Variants in UBXN2B observed in about 807,000 individuals in gnomAD.
UBXN2B encodes UBX domain protein 2B.
A neutral mutation model predicts 37.5 loss-of-function variants in UBXN2B; 19 were observed. That is an observed-to-expected ratio of 0.51 (90% CI 0.35 to 0.74). The LOEUF (loss-of-function observed/expected upper bound fraction) is 0.74. UBXN2B is among the 30% of genes least tolerant of loss of function. The pLI is 0.01. For synonymous variants in UBXN2B, 145 were observed against 143.8 expected, an observed-to-expected ratio of 1.01 and a Z score of -0.06; for missense variants, 370 against 393.2, an observed-to-expected ratio of 0.94 and a Z score of 0.50.
chr8:58,416,875 ATGAAG>A lies in UBXN2B; in HGVS notation c.118_122del (p.Lys40GlnfsTer6). The A allele has an allele frequency of 4.3e-6, 7 of 1,612,720 alleles. No individual in the cohort carries two copies. The highest frequency in any genetic ancestry group is 5.9e-6 in the Non-Finnish European group (7 of 1,179,020). On this transcript the variant is annotated frameshift_variant, in exon 2 of 8. Coordinates refer to ENST00000399598, the MANE Select transcript of UBXN2B (RefSeq NM_001077619.2). LOFTEE classifies it high-confidence loss of function. ...TTGGCCTTGGCAGAATTGTATGAAG[ATGAAG>A]TGAAGTGCAAATCTTCCAAGTCTAA...
chr8:58,443,614 G>A (rs1243437209), intron 6 of UBXN2B, among the ~76,000 whole-genome samples: 3 of 126,210 alleles, frequency 2.4e-5, no homozygotes, highest in Non-Finnish European at 4.9e-5. Flanking sequence ...CCAACATGGC[G>A]AAACCCCATC....
At chr8:58,413,185 T>C (rs1006904904) in intron 1 of UBXN2B, 1 of 152,196 alleles carries the variant, frequency 6.6e-6, no homozygotes, top group African/African-American at 2.4e-5. Context: ...ATTTTTTTTT[T>C]CATCTCCTGT....
At chr8:58,421,403 A>G (rs1261915599) in intron 2 of UBXN2B, among the ~76,000 whole-genome samples, 1 of 151,822 alleles carries the variant, frequency 6.6e-6, no homozygotes, top group African/African-American at 2.4e-5. Context: ...AAAACCCAAT[A>G]CCATGTGCCA....
chr8:58,442,314 A>G (rs1168602366), intron 6 of UBXN2B, among the ~76,000 whole-genome samples: 1 of 152,236 alleles, frequency 6.6e-6, no homozygotes, highest in African/African-American at 2.4e-5. Context: ...TTCTAAAGTG[A>G]AGAATTACAT....
chr8:58,449,325 G>A lies in UBXN2B; in HGVS notation c.*1774G>A, dbSNP rs368325148. 2.7e-5 allele frequency: 4 copies of A among 145,834 alleles called. No homozygotes were observed. Among genetic ancestry groups the A allele is most frequent in the Non-Finnish European group, 4.5e-5 (3 of 67,230 alleles). 9.0% of individuals were successfully genotyped at this position (145,834 alleles called of 1,614,324 possible). On this transcript the variant is annotated 3_prime_UTR_variant, in exon 8 of 8. Coordinates refer to ENST00000399598, the MANE Select transcript of UBXN2B (RefSeq NM_001077619.2). ...CCCACCCACCCCCCGCTCCACTCCT[G>A]TGTTAAAGATTCAGATTCATCACAA... is the stretch of plus-strand genomic sequence containing the variant.
chr8:58,439,953 T>C (rs1308878362), intron 6 of UBXN2B, among the ~76,000 whole-genome samples, 183 bp downstream of exon 6: 2 of 148,942 alleles, frequency 1.3e-5, no homozygotes, highest in Non-Finnish European at 3.0e-5. Flanking sequence ...ATAATATTAA[T>C]TGTGATATTA....
chr8:58,441,054 G>A (rs1443709309), intron 6 of UBXN2B, among the ~76,000 whole-genome samples: 2 of 150,822 alleles, frequency 1.3e-5, no homozygotes, highest in African/African-American at 4.9e-5. Context: ...GTACAGTGGT[G>A]TAGTCATAGT....
At chr8:58,430,726 T>C in intron 3 of UBXN2B, 57 bp downstream of exon 3, 3 of 1,262,602 alleles carry the variant, frequency 2.4e-6, no homozygotes, top group Non-Finnish European at 1.0e-6. Flanking sequence ...TCCTCTTTCA[T>C]TTTTCTATTA....
At chr8:58,423,320 C>T (rs965412387) in intron 2 of UBXN2B, among the ~76,000 whole-genome samples, 1 of 152,158 alleles carries the variant, frequency 6.6e-6, no homozygotes, top group Non-Finnish European at 1.5e-5. Flanking sequence ...CCCAGACATC[C>T]CAGTCTCTCC....
intron 2 of UBXN2B, 21 bp from the exon 3 acceptor site, chr8:58,430,498 C>T: frequency 6.8e-7 from 1 of 1,481,334 alleles, no homozygotes; most frequent in Non-Finnish European, 9.0e-7. Flanking sequence ...AGTTTTTATT[C>T]ATGAACTAAA....
rs909244133 is a variant in UBXN2B, at chr8:58,447,924, C to G, written c.*373C>G. The G allele has an allele frequency of 1.3e-4, 20 of 158,350 alleles. No homozygotes were observed. Among genetic ancestry groups the G allele is most frequent in the African/African-American group, 4.8e-4 (20 of 41,690 alleles). The allele number at this position is 158,350 out of a possible 1,614,324, so 9.8% of individuals were successfully genotyped here. A position where few individuals can be genotyped will look rare whatever the true frequency, so the allele number is the denominator to read the frequency against. On this transcript the variant is annotated 3_prime_UTR_variant, in exon 8 of 8. Coordinates refer to ENST00000399598, the MANE Select transcript of UBXN2B (RefSeq NM_001077619.2). ...CTAAAGTTTCTTGATGCAGCATTGA[C>G]CAACAGCCATTAAGAAATCTTTTGA...
intron 2 of UBXN2B, among the ~76,000 whole-genome samples, chr8:58,429,995 G>A (rs1446462803): frequency 2.0e-5 from 3 of 152,114 alleles, no homozygotes; most frequent in Non-Finnish European, 2.9e-5. Flanking sequence ...TTTAACAAAC[G>A]CAGGGGCTTT....
At chr8:58,437,389 G>A (rs1391967620) in intron 5 of UBXN2B, among the ~76,000 whole-genome samples, 14 of 142,180 alleles carry the variant, frequency 9.8e-5, no homozygotes, top group East Asian at 4.2e-4. Context: ...GTGCAGTGGC[G>A]CGATCTAGGC....
chr8:58,420,963 T>G (rs1042991129), intron 2 of UBXN2B, among the ~76,000 whole-genome samples: 1 of 152,160 alleles, frequency 6.6e-6, no homozygotes, highest in African/African-American at 2.4e-5. Flanking sequence ...AAAACTTGAT[T>G]CCCCCAACAA....
intron 2 of UBXN2B, among the ~76,000 whole-genome samples, chr8:58,430,223 G>A (rs1474127849): frequency 6.6e-6 from 1 of 152,180 alleles, no homozygotes; most frequent in African/African-American, 2.4e-5. Flanking sequence ...TAGTGAATGA[G>A]ATGTATGTGA....
At position 58,447,451 on chromosome 8, in the gene UBXN2B, T is replaced by C. The variant is rs753778325; in HGVS notation, c.896T>C (p.Ile299Thr). 2 of 1,613,348 alleles carry C rather than the reference T, an allele frequency of 1.2e-6. No individual in the cohort carries two copies. The highest frequency in any genetic ancestry group is 1.7e-6 in the Non-Finnish European group (2 of 1,179,534). ...CCTGAATTTGCGGCTCTTGACTTTA[T>C]TCTTGTGACTTCATTTCCGAATAAA... Reference protein sequence around the residue: ...SRPEFAALDFILVTSFPNKEL... With the variant: ...SRPEFAALDFTLVTSFPNKEL... Residue 299 changes from isoleucine (I) to threonine (T), a missense_variant, in exon 8 of 8, where the codon ATT (isoleucine) becomes ACT (threonine). By Grantham distance (89) the Ile-to-Thr change is moderately conservative. This residue lies in a region of UBXN2B where 83 missense variants were observed against 83.5 expected (regional missense o/e 0.99). Coordinates refer to ENST00000399598, the MANE Select transcript of UBXN2B (RefSeq NM_001077619.2).
At chr8:58,422,516 A>G (rs557551873) in intron 2 of UBXN2B, among the ~76,000 whole-genome samples, 3 of 152,272 alleles carry the variant, frequency 2.0e-5, no homozygotes, top group Non-Finnish European at 4.4e-5. Flanking sequence ...GCGAAGAGGG[A>G]TGTCTTTGGA....
At chr8:58,418,639 C>T (rs1807846535) in intron 2 of UBXN2B, among the ~76,000 whole-genome samples, 1 of 152,138 alleles carries the variant, frequency 6.6e-6, no homozygotes, top group Non-Finnish European at 1.5e-5. Context: ...GATTTTCCAC[C>T]ATTAGTGATA....
In UBXN2B at chr8:58,450,884, A is replaced by T. The variant is rs1319023624; in HGVS notation, c.*3333A>T. ...ACAGGATGAAAGTGGTGAGCCCACCACTGCAGAGAAGTTTTCTCAGTGCCG... is the reference window on the plus strand; with the variant it reads ...ACAGGATGAAAGTGGTGAGCCCACCTCTGCAGAGAAGTTTTCTCAGTGCCG... On this transcript the variant is annotated 3_prime_UTR_variant, in exon 8 of 8. Transcript: ENST00000399598. The T allele has an allele frequency of 2.0e-5, 3 of 152,284 alleles. No homozygotes were observed. The highest frequency in any genetic ancestry group is 4.4e-5 in the Non-Finnish European group (3 of 68,044). 9.4% of individuals were successfully genotyped at this position (152,284 alleles called of 1,614,324 possible).
Sources: gnomAD v4.1 joint callset for allele counts (sites outside exome capture counted in the v4.1 genomes callset) on GRCh38, gnomAD v4.1.1 for gene constraint, gnomAD v4.1.1 regional missense constraint, MANE v1.5 for transcripts, NCBI Gene and HGNC (gene_info 2026-07-23, HGNC 2026-07-21) for gene names.